Variants in TINAGL1 observed in about 807,000 individuals in gnomAD.
The protein encoded by TINAGL1 is tubulointerstitial nephritis antigen-like.
A neutral mutation model predicts 62.0 loss-of-function variants in TINAGL1; 34 were observed. The observed-to-expected ratio is 0.55, with a 90% CI of 0.42 to 0.73. TINAGL1 has a LOEUF of 0.73. TINAGL1 is among the 30% of genes least tolerant of loss of function. The probability of loss-of-function intolerance (pLI) is 0.00; values close to 1 mark genes in which losing one functional copy is unlikely to be tolerated. For missense variants in TINAGL1, 516 were observed against 653.2 expected (o/e 0.79, Z 2.29); for synonymous variants, 221 against 249.7 (o/e 0.88, Z 1.08).
At position 31,577,600 on chromosome 1, in the gene TINAGL1, C is replaced by A; in HGVS notation, c.310+142C>A. 1.1e-6 allele frequency: 1 copy of A among 943,072 alleles called. No homozygotes were observed. The highest frequency in any genetic ancestry group is 1.5e-6 in the Non-Finnish European group (1 of 646,582). 58.4% of individuals were successfully genotyped at this position (943,072 alleles called of 1,614,324 possible). On this transcript the variant is annotated intron_variant, in intron 2 of 11. Coordinates refer to ENST00000271064, the MANE Select transcript of TINAGL1 (RefSeq NM_022164.3). The surrounding 1 kb of genome is among the most constrained non-coding windows in gnomAD (Gnocchi z 5.4). ...GGACTCTTCCCTGCCCCTCTGGGAA[C>A]TTTACTCTCCAGCAAGACTGAAGAA...
intron 3 of TINAGL1, chr1:31,580,805 A>G: frequency 8.4e-7 from 1 of 1,195,624 alleles, no homozygotes; most frequent in Non-Finnish European, 1.1e-6. Flanking sequence ...TTAAAGACCT[A>G]CTGCGTGACA....
chr1:31,579,150 T>TTAGCCCA (rs1639130762), intron 2 of TINAGL1, 54 bp from the exon 3 acceptor site: 1 of 1,499,858 alleles, frequency 6.7e-7, no homozygotes, highest in East Asian at 2.3e-5. Flanking sequence ...ACCTGGCCAA[T>TTAGCCCA]TAGCCCATCC....
At position 31,576,952 on chromosome 1, in the gene TINAGL1, C is replaced by T. The variant is rs986105554; in HGVS notation, c.-15-182C>T. Reference sequence around the variant, plus strand: ...GGGAGGGGCTCCGTTTCTGCCCAGTCCCCATCCCCCTATAGCCAGGGCCCA... The same window carrying T: ...GGGAGGGGCTCCGTTTCTGCCCAGTTCCCATCCCCCTATAGCCAGGGCCCA... On this transcript the variant is annotated intron_variant, in intron 1 of 11. Transcript: ENST00000271064. This position sits in a 1 kb window ranked among gnomAD's most constrained non-coding sequence, Gnocchi z 5.1. 3 of 567,954 alleles carry T rather than the reference C, an allele frequency of 5.3e-6. No homozygotes were observed. The highest frequency in any genetic ancestry group is 6.0e-6 in the Non-Finnish European group (2 of 332,834). 35.2% of individuals were successfully genotyped at this position (567,954 alleles called of 1,614,324 possible).
chr1:31,584,467 G>A lies in TINAGL1; in HGVS notation c.583-211G>A, dbSNP rs546013666. 196 of 391,668 alleles carry A rather than the reference G, an allele frequency of 5.0e-4. 1 individual carries two copies. The highest frequency in any genetic ancestry group is 2.3e-3 in the African/African-American group (107 of 47,374). 24.3% of individuals were successfully genotyped at this position (391,668 alleles called of 1,614,324 possible). On this transcript the variant is annotated intron_variant, in intron 5 of 11. Transcript: ENST00000271064. This position sits in a 1 kb window ranked among gnomAD's most constrained non-coding sequence, Gnocchi z 4.0. ...CTAGTCACCACCGCCACCCCGCCCCGCCCCACCACCTGATACCTGGGAGGC... is the reference window on the plus strand; with the variant it reads ...CTAGTCACCACCGCCACCCCGCCCCACCCCACCACCTGATACCTGGGAGGC...
chr1:31,576,780 A>G lies in TINAGL1; in HGVS notation c.-16+185A>G, dbSNP rs1390614443. 6.6e-6 allele frequency among the ~76,000 whole-genome samples: 1 copy of G among 152,116 alleles called. No homozygotes were observed. Among genetic ancestry groups the G allele is most frequent in the African/African-American group, 2.4e-5 (1 of 41,416 alleles). On this transcript the variant is annotated intron_variant, in intron 1 of 11. Transcript: ENST00000271064. This position sits in a 1 kb window ranked among gnomAD's most constrained non-coding sequence, Gnocchi z 5.1. The stretch of plus-strand genomic sequence containing the variant: ...GAGACAGGAAAGCACAAAGTCAAGG[A>G]CCCAGGTCAGGGATGGAGGCTGCTG...
intron 3 of TINAGL1, chr1:31,580,710 T>C: frequency 7.9e-7 from 1 of 1,271,340 alleles, no homozygotes; most frequent in Non-Finnish European, 1.0e-6. Context: ...AAGGAGGCAG[T>C]TCAGCATCTT....
intron 10 of TINAGL1, chr1:31,586,294 C>T (rs1028557400): frequency 1.5e-5 from 5 of 333,868 alleles, no homozygotes; most frequent in African/African-American, 8.6e-5. Context: ...ATGTGCTTTA[C>T]GGTGGGAATT....
chr1:31,586,883 CT>C lies in TINAGL1; in HGVS notation c.1310del (p.Phe437SerfsTer46). 1 of 1,552,826 alleles carries C rather than the reference CT, an allele frequency of 6.4e-7. No individual in the cohort carries two copies. The highest frequency in any genetic ancestry group is 8.7e-7 in the Non-Finnish European group (1 of 1,150,338). On this transcript the variant is annotated frameshift_variant, in exon 12 of 12. Coordinates refer to ENST00000271064, the MANE Select transcript of TINAGL1 (RefSeq NM_022164.3). LOFTEE classifies it high-confidence loss of function. ...WGPAWGERGH[F>X]RIVRGVNECD... The stretch of plus-strand genomic sequence containing the variant: ...GCCCAGCCTGGGGCGAGAGGGGCCA[CT>C]TCCGCATCGTGCGCGGCGTCAATGA...
chr1:31,580,212 TGTCTC>T (rs1366742202), intron 3 of TINAGL1: 1 of 576,088 alleles, frequency 1.7e-6, no homozygotes, highest in African/African-American at 3.3e-5. Context: ...TCTCTCTCTC[TGTCTC>T]TCTCTCTCTG....
chr1:31,583,472 G>A lies in TINAGL1; in HGVS notation c.479G>A (p.Gly160Glu). 1 of 1,613,716 alleles carries A rather than the reference G, an allele frequency of 6.2e-7. No individual in the cohort carries two copies. ...INQGNYGWQA[G>E]NHSAFWGMTL... ...CCCCTCTCCTTCAGCTGGCAGGCTG[G>A]GAACCACAGCGCCTTCTGGGGCATG... is the stretch of plus-strand genomic sequence containing the variant. Residue 160 changes from glycine to glutamate, a missense_variant, in exon 5 of 12, where the codon GGG becomes GAG. Transcript: ENST00000271064. The surrounding 1 kb of genome is among the most constrained non-coding windows in gnomAD (Gnocchi z 4.4).
Position 31,583,786 on chromosome 1 carries a change from C to T in TINAGL1, c.582+211C>T, listed in dbSNP as rs1437692664. The T allele has an allele frequency of 6.9e-6, 4 of 583,848 alleles. No individual in the cohort carries two copies. Among genetic ancestry groups the T allele is most frequent in the Middle Eastern group, 3.7e-4 (1 of 2,680 alleles). 36.2% of individuals were successfully genotyped at this position (583,848 alleles called of 1,614,324 possible). The stretch of plus-strand genomic sequence containing the variant: ...AAGAACTGATGCTCAGATTGAATTT[C>T]GTGGTCTTGGCATCAGCTCCCCCCT... On this transcript the variant is annotated intron_variant, in intron 5 of 11. Transcript: ENST00000271064. This position sits in a 1 kb window ranked among gnomAD's most constrained non-coding sequence, Gnocchi z 4.4.
chr1:31,580,471 A>T, intron 3 of TINAGL1: 2 of 1,289,308 alleles, frequency 1.6e-6, no homozygotes, highest in Non-Finnish European at 2.0e-6. Context: ...GGATGCTTCC[A>T]GAGTCTAGTC....
rs67386887 is a variant in TINAGL1, at chr1:31,580,063, C to CTG, written c.374+818_374+819dup. ...GGTGTTCAGCGTGACTGTGTGTGCA[C>CTG]TGTGTGTGTGTGTGTGTGTGTGTTC... is the stretch of plus-strand genomic sequence containing the variant. On this transcript the variant is annotated intron_variant, in intron 3 of 11. Transcript: ENST00000271064. Among the ~76,000 whole-genome samples, 763 of 149,394 alleles carry CTG rather than the reference C, an allele frequency of 5.1e-3. 7 individuals are homozygous for CTG. Among genetic ancestry groups the CTG allele is most frequent in the African/African-American group, 0.011 (463 of 40,766 alleles).
Position 31,585,294 on chromosome 1 carries a change from A to G in TINAGL1, c.1001A>G (p.Asn334Ser), listed in dbSNP as rs541131311. 9.9e-6 allele frequency: 16 copies of G among 1,611,968 alleles called. No homozygotes were observed. The Admixed American group carries it at 2.7e-4, about 27-fold the overall frequency. ...TAHCPNSYVN[N>S]NDIYQVTPVY... ...CACTGCCCCAACAGCTATGTTAATA[A>G]CAATGACATCTACCAGGTCACTCCT... The change falls in exon 8 of 12, where the codon AAC becomes AGC. Residue 334 changes from asparagine (N) to serine (S), a missense_variant. Transcript: ENST00000271064. The surrounding 1 kb of genome is among the most constrained non-coding windows in gnomAD (Gnocchi z 4.3).
In TINAGL1 at chr1:31,585,379, G is replaced by T; in HGVS notation, c.1047+39G>T. On this transcript the variant is annotated intron_variant, in intron 8 of 11. Coordinates refer to ENST00000271064, the MANE Select transcript of TINAGL1 (RefSeq NM_022164.3). This position sits in a 1 kb window ranked among gnomAD's most constrained non-coding sequence, Gnocchi z 4.3. The stretch of plus-strand genomic sequence containing the variant: ...TGGGTGAGGGCGCCGAGGCAGGAGG[G>T]TTGTGAAAGCCTGGAGTCTCACCCC... The T allele has an allele frequency of 1.9e-6, 3 of 1,607,142 alleles. No homozygotes were observed. The South Asian group carries it at 3.3e-5, about 18-fold the overall frequency.
At chr1:31,581,353 G>A (rs1639239930) in intron 3 of TINAGL1, among the ~76,000 whole-genome samples, 1 of 152,210 alleles carries the variant, frequency 6.6e-6, no homozygotes, top group Admixed American at 6.5e-5. Flanking sequence ...GGGTCCAGGT[G>A]AGAGGTGATG....
Position 31,584,342 on chromosome 1 carries a change from G to C in TINAGL1, c.583-336G>C, listed in dbSNP as rs967674619. ...GAAGAAAGCTAAGGCCGATCAGAAG[G>C]TGCAGAGGAAAGAGGCAGGGGTTGA... is the stretch of plus-strand genomic sequence containing the variant. On this transcript the variant is annotated intron_variant, in intron 5 of 11. Transcript: ENST00000271064. This position sits in a 1 kb window ranked among gnomAD's most constrained non-coding sequence, Gnocchi z 4.0. 2 of 318,564 alleles carry C rather than the reference G, an allele frequency of 6.3e-6. No homozygotes were observed. Among genetic ancestry groups the C allele is most frequent in the Non-Finnish European group, 1.2e-5 (2 of 164,288 alleles). 19.7% of individuals were successfully genotyped at this position (318,564 alleles called of 1,614,324 possible).
At chr1:31,580,714 G>A (rs1192341906) in intron 3 of TINAGL1, 2 of 1,269,998 alleles carry the variant, frequency 1.6e-6, no homozygotes, top group African/African-American at 3.1e-5. Flanking sequence ...AGGCAGTTCA[G>A]CATCTTGTAA....
chr1:31,585,362 G>A lies in TINAGL1; in HGVS notation c.1047+22G>A. ...CAACGTAAGTCAGCACTTGGGTGAG[G>A]GCGCCGAGGCAGGAGGGTTGTGAAA... On this transcript the variant is annotated intron_variant, in intron 8 of 11. Transcript: ENST00000271064. The surrounding 1 kb of genome is among the most constrained non-coding windows in gnomAD (Gnocchi z 4.3). 3 of 1,604,250 alleles carry A rather than the reference G, an allele frequency of 1.9e-6. No individual in the cohort carries two copies. Among genetic ancestry groups the A allele is most frequent in the Non-Finnish European group, 2.6e-6 (3 of 1,173,882 alleles).
Sources: gnomAD v4.1 joint callset for allele counts (sites outside exome capture counted in the v4.1 genomes callset) on GRCh38, gnomAD v4.1.1 for gene constraint, Gnocchi (gnomAD v3.1) non-coding constraint, MANE v1.5 for transcripts, NCBI Gene and HGNC (gene_info 2026-07-23, HGNC 2026-07-21) for gene names.